The following SERGEF variants were observed in gnomAD, a reference collection of about 807,000 sequenced individuals.
SERGEF encodes secretion-regulating guanine nucleotide exchange factor.
Under a neutral mutation model 50.0 loss-of-function variants are expected in SERGEF, and 51 were observed. The observed-to-expected ratio is 1.02, with a 90% CI of 0.81 to 1.29. The LOEUF (loss-of-function observed/expected upper bound fraction) is 1.29. Among genes scored for constraint, SERGEF ranks in the 50% most tolerant of loss-of-function variants. The pLI, the probability that SERGEF is intolerant of heterozygous loss-of-function variation, is 0.00. For missense variants in SERGEF, 521 were observed against 557.0 expected, an observed-to-expected ratio of 0.94 and a Z score of 0.65; for synonymous variants, 205 against 212.4, an observed-to-expected ratio of 0.97 and a Z score of 0.30.
chr11:17,834,206 C>T (rs556432888), intron 10 of SERGEF, among the ~76,000 whole-genome samples: 26 of 152,246 alleles, frequency 1.7e-4, no homozygotes, highest in African/African-American at 5.8e-4. Context: ...CCCATAAGAT[C>T]TGATGGTTTT....
chr11:17,879,720 G>A (rs1851304453), intron 9 of SERGEF, among the ~76,000 whole-genome samples: 1 of 152,074 alleles, frequency 6.6e-6, no homozygotes, highest in South Asian at 2.1e-4. Context: ...TCTGAAAGTA[G>A]ATTTTGTTTT....
chr11:17,909,039 G>C (rs1851902440), intron 9 of SERGEF, among the ~76,000 whole-genome samples: 1 of 152,156 alleles, frequency 6.6e-6, no homozygotes, highest in Admixed American at 6.5e-5. Context: ...AAAACCTGGG[G>C]CTAAAGCCAG....
intron 10 of SERGEF, among the ~76,000 whole-genome samples, chr11:17,871,287 C>T (rs931568174): frequency 1.3e-5 from 2 of 151,818 alleles, no homozygotes; most frequent in Non-Finnish European, 1.5e-5. Context: ...GGTGAAACCC[C>T]GTCTCTACTA....
intron 9 of SERGEF, among the ~76,000 whole-genome samples, chr11:17,947,720 C>T (rs1184122066): frequency 2.0e-5 from 3 of 152,222 alleles, no homozygotes; most frequent in African/African-American, 2.4e-5. Flanking sequence ...ACTATGTTAG[C>T]TCTGGTATTT....
intron 10 of SERGEF, chr11:17,856,116 C>T (rs1363940215): frequency 2.6e-5 from 4 of 152,198 alleles, no homozygotes; most frequent in Non-Finnish European, 5.9e-5. Context: ...CCTCTCTAGG[C>T]CTCTTTTATA....
At chr11:17,874,234 A>G (rs758410928) in intron 10 of SERGEF, 5 of 152,290 alleles carry the variant, frequency 3.3e-5, no homozygotes, top group Non-Finnish European at 5.9e-5. Context: ...GCCATTGGGA[A>G]GAACAACTTC....
intron 10 of SERGEF, among the ~76,000 whole-genome samples, chr11:17,815,511 A>G (rs1565174849): frequency 6.6e-6 from 1 of 151,644 alleles, no homozygotes; most frequent in Non-Finnish European, 1.5e-5. Flanking sequence ...GCTACTCCAG[A>G]GGCTGAGGCA....
intron 9 of SERGEF, among the ~76,000 whole-genome samples, chr11:17,935,224 T>C (rs1590206503): frequency 6.6e-6 from 1 of 152,210 alleles, no homozygotes; most frequent in Non-Finnish European, 1.5e-5. Flanking sequence ...TAAAAGAATG[T>C]TCCCAGCACC....
At chr11:17,866,111 C>T (rs1851017799) in intron 10 of SERGEF, among the ~76,000 whole-genome samples, 1 of 152,242 alleles carries the variant, frequency 6.6e-6, no homozygotes, top group Non-Finnish European at 1.5e-5. Flanking sequence ...GTCTCCCTGT[C>T]TGGCAAACAG....
intron 9 of SERGEF, among the ~76,000 whole-genome samples, chr11:17,921,966 C>A (rs954254660): frequency 2.0e-5 from 3 of 152,148 alleles, no homozygotes; most frequent in African/African-American, 7.2e-5. Flanking sequence ...TGCCTTGTAG[C>A]CCACTTTCCC....
chr11:17,812,953 C>G (rs557873567), intron 10 of SERGEF, among the ~76,000 whole-genome samples: 7 of 152,184 alleles, frequency 4.6e-5, no homozygotes, highest in Non-Finnish European at 7.3e-5. Flanking sequence ...ATGTCACCTC[C>G]TCTCCGACAT....
At chr11:17,846,890 G>A (rs1850623829) in intron 10 of SERGEF, 1 of 392,844 alleles carries the variant, frequency 2.5e-6, no homozygotes, top group South Asian at 1.9e-5. Context: ...TCCTGAGGAA[G>A]ACTAGGGCCC....
chr11:17,836,206 T>C (rs1850394095), intron 10 of SERGEF, among the ~76,000 whole-genome samples: 1 of 152,244 alleles, frequency 6.6e-6, no homozygotes, highest in African/African-American at 2.4e-5. Context: ...AGCTACTTCC[T>C]GATTCCTTAG....
At chr11:17,997,102 T>C (rs1853851881) in intron 5 of SERGEF, among the ~76,000 whole-genome samples, 1 of 152,034 alleles carries the variant, frequency 6.6e-6, no homozygotes, top group Non-Finnish European at 1.5e-5. Flanking sequence ...CTGCCTGAGG[T>C]GGGAAGATCA....
intron 8 of SERGEF, among the ~76,000 whole-genome samples, chr11:17,984,851 G>C (rs1456461583): frequency 6.6e-6 from 1 of 152,202 alleles, no homozygotes; most frequent in Non-Finnish European, 1.5e-5. Context: ...TATCAGGCCT[G>C]TGCCAGATGC....
chr11:17,835,955 T>C (rs527730588), intron 10 of SERGEF, among the ~76,000 whole-genome samples: 4 of 152,190 alleles, frequency 2.6e-5, no homozygotes, highest in African/African-American at 4.8e-5. Flanking sequence ...TCCTAGGGTG[T>C]GAAAGGCCTT....
At chr11:17,927,724 T>C (rs1370431943) in intron 9 of SERGEF, among the ~76,000 whole-genome samples, 1 of 152,262 alleles carries the variant, frequency 6.6e-6, no homozygotes, top group African/African-American at 2.4e-5. Context: ...TCTGGGAACC[T>C]GTTAGAAGTG....
intron 9 of SERGEF, among the ~76,000 whole-genome samples, chr11:17,935,096 C>G (rs1412983631): frequency 6.6e-6 from 1 of 152,136 alleles, no homozygotes; most frequent in Non-Finnish European, 1.5e-5. Flanking sequence ...TATCCCTATT[C>G]CCAATTCAAC....
rs3216314 is a variant in SERGEF at position 17,845,226 on chromosome 11, A to AT, written c.1048+32981dup. Among the ~76,000 whole-genome samples the AT allele has an allele frequency of 2.9e-4, 44 of 150,788 alleles. No homozygotes were observed. In the East Asian group the frequency reaches 3.9e-3, roughly 13 times the overall value. Reference sequence around the variant, plus strand: ...GCTCTGCTTCAACTTCTTCATGTCCATTTTTTTTTATAGCCTTAGCATAAC... The same window carrying AT: ...GCTCTGCTTCAACTTCTTCATGTCCATTTTTTTTTTATAGCCTTAGCATAAC... On this transcript the variant is annotated intron_variant, in intron 10 of 10. Transcript: ENST00000265965.
Sources: gnomAD v4.1 joint callset for allele counts (sites outside exome capture counted in the v4.1 genomes callset) on GRCh38, gnomAD v4.1.1 for gene constraint, MANE v1.5 for transcripts, NCBI Gene and HGNC (gene_info 2026-07-23, HGNC 2026-07-21) for gene names.